Variants in ZNF654 observed in about 807,000 individuals in gnomAD.
ZNF654 encodes the protein melanoma-associated antigen.
Under a neutral mutation model 95.3 loss-of-function variants are expected in ZNF654, and 19 were observed. The observed-to-expected ratio is 0.20, with a 90% CI of 0.14 to 0.29. The LOEUF is 0.29. Among genes scored for constraint, ZNF654 ranks in the 10% least tolerant of loss-of-function variants. The pLI is 1.00. For synonymous variants in ZNF654, 413 were observed against 457.9 expected (o/e 0.90, Z 1.25); for missense variants, 1,046 against 1,341.0 (o/e 0.78, Z 3.44).
At chr3:88,099,470 A>G (rs1051613329) in intron 2 of ZNF654, among the ~76,000 whole-genome samples, 1 of 152,196 alleles carries the variant, frequency 6.6e-6, no homozygotes, top group African/African-American at 2.4e-5. Context: ...GAATTGGAAA[A>G]AACTACTTTA....
At chr3:88,092,534 A>G (rs1703805082) in intron 2 of ZNF654, among the ~76,000 whole-genome samples, 1 of 152,176 alleles carries the variant, frequency 6.6e-6, no homozygotes, top group Non-Finnish European at 1.5e-5. Flanking sequence ...TAGATGAAGG[A>G]GCAGAAGAGC....
intron 2 of ZNF654, among the ~76,000 whole-genome samples, chr3:88,104,025 G>A (rs917268377): frequency 1.3e-4 from 19 of 151,812 alleles, no homozygotes; most frequent in African/African-American, 4.1e-4. Flanking sequence ...GCCTCTGCTG[G>A]GATTACAGGC....
intron 1 of ZNF654, among the ~76,000 whole-genome samples, chr3:88,078,235 A>G (rs763041375): frequency 3.3e-5 from 5 of 152,170 alleles, no homozygotes; most frequent in African/African-American, 9.6e-5. Flanking sequence ...ATTATCTTCT[A>G]TTAAATCAAC....
chr3:88,109,111 G>C (rs1704924900), intron 2 of ZNF654, among the ~76,000 whole-genome samples: 1 of 149,232 alleles, frequency 6.7e-6, no homozygotes, highest in South Asian at 2.1e-4. Flanking sequence ...AAGGGGTCTG[G>C]TAATGTATCC....
Position 88,083,935 on chromosome 3 carries a change from C to T in ZNF654, c.187-2322C>T, listed in dbSNP as rs1426007474. 5.0e-5 allele frequency among the ~76,000 whole-genome samples: 3 copies of T among 60,142 alleles called. No individual in the cohort carries two copies. The East Asian group carries it at 1.3e-3, about 27-fold the overall frequency. 39.5% of individuals were successfully genotyped at this position (60,142 alleles called of 152,430 possible). A position where few individuals can be genotyped will look rare whatever the true frequency, so the allele number is the denominator to read the frequency against. On this transcript the variant is annotated intron_variant, in intron 1 of 8. Coordinates refer to ENST00000636215, the MANE Select transcript of ZNF654 (RefSeq NM_001350134.2). The stretch of plus-strand genomic sequence containing the variant: ...CATTTTAATAGGACAATGTAATGTA[C>T]TTATTTTATATATATATATATATAT...
intron 2 of ZNF654, among the ~76,000 whole-genome samples, chr3:88,099,200 G>C (rs1272819204): frequency 3.3e-5 from 5 of 151,976 alleles, no homozygotes; most frequent in Admixed American, 1.3e-4. Context: ...AACAGACAGA[G>C]AGCCAAATCA....
At chr3:88,099,734 T>C (rs1704290665) in intron 2 of ZNF654, among the ~76,000 whole-genome samples, 4 of 152,210 alleles carry the variant, frequency 2.6e-5, no homozygotes, top group Admixed American at 2.6e-4. Flanking sequence ...AAGGATTCCC[T>C]ATTTAATAAA....
At chr3:88,079,072 G>A (rs1301949937) in intron 1 of ZNF654, among the ~76,000 whole-genome samples, 9 of 152,030 alleles carry the variant, frequency 5.9e-5, no homozygotes, top group Non-Finnish European at 1.2e-4. Flanking sequence ...CAGTTATACC[G>A]TAAAAAATCA....
chr3:88,093,830 G>A (rs1703889841), intron 2 of ZNF654, among the ~76,000 whole-genome samples: 1 of 152,176 alleles, frequency 6.6e-6, no homozygotes, highest in South Asian at 2.1e-4. Context: ...AGGAAGAAAG[G>A]CTAATTATAA....
At chr3:88,084,515 C>T (rs752715657) in intron 1 of ZNF654, among the ~76,000 whole-genome samples, 6 of 152,162 alleles carry the variant, frequency 3.9e-5, no homozygotes, top group Admixed American at 6.5e-5. Flanking sequence ...TTTTACTTTC[C>T]AGCTAGTGAG....
intron 7 of ZNF654, among the ~76,000 whole-genome samples, chr3:88,138,389 A>G (rs1177946018): frequency 3.3e-5 from 5 of 152,140 alleles, no homozygotes; most frequent in African/African-American, 7.2e-5. Flanking sequence ...GGGGGTCTAG[A>G]AGAAATCTTA....
chr3:88,083,832 T>A (rs1708202336), intron 1 of ZNF654, among the ~76,000 whole-genome samples: 1 of 152,066 alleles, frequency 6.6e-6, no homozygotes. Context: ...GATGTGGTGC[T>A]TACTGCCTTG....
chr3:88,130,606 A>G (rs1576340432), intron 6 of ZNF654, among the ~76,000 whole-genome samples: 2 of 133,298 alleles, frequency 1.5e-5, no homozygotes, highest in Middle Eastern at 3.9e-3. Context: ...GTGTGCAACC[A>G]TGCCCAGCTA....
intron 2 of ZNF654, among the ~76,000 whole-genome samples, chr3:88,092,855 G>A (rs1281802764): frequency 6.6e-6 from 1 of 152,140 alleles, no homozygotes; most frequent in African/African-American, 2.4e-5. Context: ...TTATACATAT[G>A]TATTGATCTG....
chr3:88,101,340 A>G (rs1704412216), intron 2 of ZNF654, among the ~76,000 whole-genome samples: 1 of 152,094 alleles, frequency 6.6e-6, no homozygotes. Flanking sequence ...TAGAGTTGCT[A>G]TTTCTAGACA....
Position 88,129,741 on chromosome 3 carries a change from A to G in ZNF654, c.808A>G (p.Lys270Glu), listed in dbSNP as rs1245189285. The change falls in exon 6 of 9, where the codon AAA becomes GAA. Residue 270 changes from lysine to glutamate, a missense_variant. Physicochemically the swap from Lys to Glu is moderately conservative, Grantham distance 56 (BLOSUM62 1). This residue lies in a region of ZNF654 where 121 missense variants were observed against 141.7 expected (regional missense o/e 0.85). Transcript: ENST00000636215. ...SGIDIICNAE[K>E]EGKTMLALQL... ...AATTGATATCATCTGTAATGCTGAAAAAGAAGGCAAAACTATGTTAGCCTT... is the reference window on the plus strand; with the variant it reads ...AATTGATATCATCTGTAATGCTGAAGAAGAAGGCAAAACTATGTTAGCCTT... The G allele has an allele frequency of 2.6e-6, 4 of 1,528,738 alleles. No homozygotes were observed. The highest frequency in any genetic ancestry group is 3.5e-6 in the Non-Finnish European group (4 of 1,141,940). 94.7% of individuals were successfully genotyped at this position (1,528,738 alleles called of 1,614,324 possible).
chr3:88,073,903 T>G (rs1241993771), intron 1 of ZNF654, among the ~76,000 whole-genome samples: 1 of 152,222 alleles, frequency 6.6e-6, no homozygotes, highest in African/African-American at 2.4e-5. Context: ...ATTTTCTCCT[T>G]TTAGTAATGT....
In ZNF654 at chr3:88,143,554, C is replaced by A. The variant is rs1227890847; in HGVS notation, c.*1902C>A. On this transcript the variant is annotated 3_prime_UTR_variant, in exon 9 of 9. Transcript: ENST00000636215. ...TCTTTTGAAATATTTCTGCTTTGTA[C>A]ATTTTCCAGAAGTTTAATATTTTAT... 21 of 152,198 alleles carry A rather than the reference C, an allele frequency of 1.4e-4. No homozygotes were observed. The highest frequency in any genetic ancestry group is 8.9e-5 in the Non-Finnish European group (6 of 67,758). 9.4% of individuals were successfully genotyped at this position (152,198 alleles called of 1,614,324 possible).
rs748246482 is a variant in ZNF654 at position 88,140,452 on chromosome 3, T to C, written c.2783T>C (p.Ile928Thr). The C allele has an allele frequency of 3.7e-6, 6 of 1,613,584 alleles. No homozygotes were observed. The Admixed American group carries it at 5.0e-5, about 13-fold the overall frequency. Reference sequence around the variant, plus strand: ...GAGTCTACAGAACCAAAGACATGTATAGAAAGTATGGAAAAGAAAACAGAC... The same window carrying C: ...GAGTCTACAGAACCAAAGACATGTACAGAAAGTATGGAAAAGAAAACAGAC... ...RKESTEPKTC[I>T]ESMEKKTDSL... Residue 928 changes from isoleucine to threonine, a missense_variant, in exon 8 of 9, where the codon ATA (isoleucine) becomes ACA (threonine). Ile to Thr is a moderately conservative substitution (Grantham distance 89). Transcript: ENST00000636215.
Sources: gnomAD v4.1 joint callset for allele counts (sites outside exome capture counted in the v4.1 genomes callset) on GRCh38, gnomAD v4.1.1 for gene constraint, gnomAD v4.1.1 regional missense constraint, MANE v1.5 for transcripts, NCBI Gene and HGNC (gene_info 2026-07-23, HGNC 2026-07-21) for gene names.